Variants in DOCK5 observed in about 807,000 individuals in gnomAD.
DOCK5 encodes the protein dedicator of cytokinesis protein 5.
DOCK5 carries 142 observed loss-of-function variants against 251.8 expected under a neutral mutation model. That is an observed-to-expected ratio of 0.56 (90% confidence interval 0.49 to 0.65). The LOEUF (loss-of-function observed/expected upper bound fraction) is 0.65. DOCK5 is among the 30% of genes least tolerant of loss of function. DOCK5 has a pLI of 0.00. For synonymous variants in DOCK5, 842 were observed against 835.5 expected (o/e 1.01, Z -0.13); for missense variants, 2,111 against 2,312.3 (o/e 0.91, Z 1.79).
chr8:25,414,159 GA>G lies in DOCK5; in HGVS notation c.*2862del, dbSNP rs1281572037. 1 of 151,902 alleles carries G rather than the reference GA, an allele frequency of 6.6e-6. No homozygotes were observed. The highest frequency in any genetic ancestry group is 1.5e-5 in the Non-Finnish European group (1 of 68,006). The allele number at this position is 151,902 out of a possible 1,614,324, so 9.4% of individuals were successfully genotyped here. On this transcript the variant is annotated 3_prime_UTR_variant, in exon 52 of 52. Coordinates refer to ENST00000276440, the MANE Select transcript of DOCK5 (RefSeq NM_024940.8). ...GTTCTAGTGACTTGTCTTGCTTTAA[GA>G]TTTTTTTTAAAGGATTGTTTTATTC...
intron 45 of DOCK5, 113 bp from the exon 46 acceptor site, chr8:25,399,798 T>C: frequency 4.0e-6 from 3 of 744,218 alleles, no homozygotes; most frequent in Non-Finnish European, 6.8e-6. Flanking sequence ...AGGGATGCAT[T>C]TTTAGTTAGA....
chr8:25,390,146 GT>G (rs1431277030), intron 41 of DOCK5, 59 bp from the exon 42 acceptor site: 1 of 1,446,370 alleles, frequency 6.9e-7, no homozygotes, highest in Admixed American at 2.1e-5. Context: ...GAACAGGGGT[GT>G]TTGGTGTCTG....
intron 6 of DOCK5, 42 bp from the exon 7 acceptor site, chr8:25,296,471 C>A (rs759953877): frequency 1.1e-5 from 18 of 1,584,738 alleles, no homozygotes; most frequent in East Asian, 2.3e-5. Context: ...AAAAAGTCTG[C>A]CCCTGGTGAG....
At position 25,361,159 on chromosome 8, in the gene DOCK5, G is replaced by A. The variant is rs551105747; in HGVS notation, c.2950-1888G>A. 3.3e-5 allele frequency among the ~76,000 whole-genome samples: 5 copies of A among 152,256 alleles called. No homozygotes were observed. In the South Asian group the frequency reaches 1.0e-3, roughly 32 times the overall value. ...GATTCCCTGTGAGTTCCATCATGCC[G>A]TCTCATTAATTTAGATTTCCAGGAG... On this transcript the variant is annotated intron_variant, in intron 28 of 51. Coordinates refer to ENST00000276440, the MANE Select transcript of DOCK5 (RefSeq NM_024940.8).
intron 5 of DOCK5, among the ~76,000 whole-genome samples, chr8:25,281,889 GAAAA>G (rs57465549): frequency 2.0e-4 from 25 of 127,130 alleles, no homozygotes; most frequent in East Asian, 7.1e-4. Context: ...AAAAAAAAAA[GAAAA>G]AAAAAAAAAA....
At chr8:25,352,234 AAGC>A (rs1344530981) in intron 27 of DOCK5, among the ~76,000 whole-genome samples, 4 of 140,140 alleles carry the variant, frequency 2.9e-5, no homozygotes, top group African/African-American at 7.7e-5. Flanking sequence ...AAAAAAAAAA[AAGC>A]AGCAAGCAGG....
intron 26 of DOCK5, among the ~76,000 whole-genome samples, chr8:25,347,705 G>A (rs1800394236): frequency 6.6e-6 from 1 of 152,106 alleles, no homozygotes; most frequent in African/African-American, 2.4e-5. Flanking sequence ...TAAAACACAA[G>A]AATCAGAGCA....
At chr8:25,285,634 C>T (rs1345767223) in intron 5 of DOCK5, among the ~76,000 whole-genome samples, 1 of 152,168 alleles carries the variant, frequency 6.6e-6, no homozygotes, top group Non-Finnish European at 1.5e-5. Context: ...CCCTTTCTTC[C>T]CATCATCGCA....
At chr8:25,345,414 G>A (rs1377863527) in intron 25 of DOCK5, 61 bp from the exon 26 acceptor site, 5 of 1,595,784 alleles carry the variant, frequency 3.1e-6, no homozygotes. Context: ...TTGCAGGAAG[G>A]AGACAGGCAG....
intron 2 of DOCK5, among the ~76,000 whole-genome samples, chr8:25,251,618 A>G (rs1034961851): frequency 3.3e-5 from 5 of 152,224 alleles, no homozygotes; most frequent in African/African-American, 9.6e-5. Flanking sequence ...GACAGTGGGC[A>G]GTGTTATGAC....
chr8:25,255,073 G>A (rs1268304543), intron 2 of DOCK5, among the ~76,000 whole-genome samples: 1 of 152,180 alleles, frequency 6.6e-6, no homozygotes, highest in African/African-American at 2.4e-5. Flanking sequence ...CCAAGGATGT[G>A]GAGCAACAGG....
intron 1 of DOCK5, among the ~76,000 whole-genome samples, chr8:25,221,670 CCATCAT>C (rs749679641): frequency 6.6e-6 from 1 of 151,918 alleles, no homozygotes; most frequent in Non-Finnish European, 1.5e-5. Context: ...CATCACCATC[CCATCAT>C]CATCATCATC....
intron 44 of DOCK5, among the ~76,000 whole-genome samples, 190 bp from the exon 45 acceptor site, chr8:25,395,353 A>G (rs1340377137): frequency 6.6e-6 from 1 of 152,204 alleles, no homozygotes; most frequent in African/African-American, 2.4e-5. Flanking sequence ...CCTGTTTCCT[A>G]ATAGGCCACG....
chr8:25,273,914 G>A (rs1055337073), intron 3 of DOCK5, among the ~76,000 whole-genome samples: 1 of 152,126 alleles, frequency 6.6e-6, no homozygotes, highest in Non-Finnish European at 1.5e-5. Context: ...CATCAGTAAC[G>A]GGATTAGAAT....
At chr8:25,328,295 G>A (rs1197447680) in intron 18 of DOCK5, among the ~76,000 whole-genome samples, 1 of 152,096 alleles carries the variant, frequency 6.6e-6, no homozygotes, top group Non-Finnish European at 1.5e-5. Flanking sequence ...GGCAAACCTT[G>A]TCTGAGTCAG....
At chr8:25,194,922 T>A (rs1350873262) in intron 1 of DOCK5, among the ~76,000 whole-genome samples, 2 of 151,746 alleles carry the variant, frequency 1.3e-5, no homozygotes, top group African/African-American at 2.4e-5. Flanking sequence ...CAACGGTATT[T>A]TTTTTTTTTT....
intron 40 of DOCK5, among the ~76,000 whole-genome samples, chr8:25,385,314 A>G (rs573437577): frequency 6.6e-6 from 1 of 152,236 alleles, no homozygotes; most frequent in South Asian, 2.1e-4. Flanking sequence ...CCACTAAGAG[A>G]CCATTGCAGA....
chr8:25,321,170 T>G, intron 16 of DOCK5, 118 bp downstream of exon 16: 2 of 836,498 alleles, frequency 2.4e-6, no homozygotes, highest in Non-Finnish European at 3.8e-6. Flanking sequence ...GGCAGCTGTA[T>G]TTTGTAACTC....
At chr8:25,274,850 A>G (rs141561054) in intron 3 of DOCK5, among the ~76,000 whole-genome samples, 2 of 152,258 alleles carry the variant, frequency 1.3e-5, no homozygotes, top group African/African-American at 4.8e-5. Flanking sequence ...TATTCTTGGG[A>G]CATGAAACCT....
Sources: gnomAD v4.1 joint callset for allele counts (sites outside exome capture counted in the v4.1 genomes callset) on GRCh38, gnomAD v4.1.1 for gene constraint, MANE v1.5 for transcripts, NCBI Gene and HGNC (gene_info 2026-07-23, HGNC 2026-07-21) for gene names.